The following GSTCD variants were observed in gnomAD, a reference collection of about 807,000 sequenced individuals.
GSTCD encodes the protein glutathione S-transferase C-terminal domain-containing protein.
Under a neutral mutation model 68.3 loss-of-function variants are expected in GSTCD, and 44 were observed. That is an observed-to-expected ratio of 0.64 (90% confidence interval 0.51 to 0.83). The LOEUF (loss-of-function observed/expected upper bound fraction) is 0.83. GSTCD is among the 40% of genes least tolerant of loss of function. The pLI, the probability that GSTCD is intolerant of heterozygous loss-of-function variation, is 0.00. For synonymous variants in GSTCD, 273 were observed against 255.2 expected (o/e 1.07, Z -0.67); for missense variants, 739 against 735.9 (o/e 1.00, Z -0.05).
chr4:105,827,994 G>GA lies in GSTCD; in HGVS notation c.1530+2199dup, dbSNP rs545672042. ...TATTACATAAAGGGTCATGACTATG[G>GA]AAAAATGCTCATTTTGCATTAAAAA... On this transcript the variant is annotated intron_variant, in intron 8 of 11. Transcript: ENST00000515279. Among the ~76,000 whole-genome samples, 29 of 151,974 alleles carry GA rather than the reference G, an allele frequency of 1.9e-4. 1 individual carries two copies. In the South Asian group the frequency reaches 5.6e-3, roughly 29 times the overall value.
intron 5 of GSTCD, among the ~76,000 whole-genome samples, chr4:105,807,750 T>C (rs990275015): frequency 1.3e-5 from 2 of 152,036 alleles, no homozygotes; most frequent in African/African-American, 2.4e-5. Flanking sequence ...GTTTGTGATA[T>C]TAGGTTTGAT....
intron 5 of GSTCD, among the ~76,000 whole-genome samples, chr4:105,793,760 A>T (rs931484980): frequency 2.0e-5 from 3 of 152,010 alleles, no homozygotes; most frequent in Non-Finnish European, 4.4e-5. Context: ...CCAGTAAAAA[A>T]AATTAATGAA....
At chr4:105,732,290 G>A (rs1057213851) in intron 5 of GSTCD, among the ~76,000 whole-genome samples, 7 of 152,152 alleles carry the variant, frequency 4.6e-5, no homozygotes, top group African/African-American at 1.4e-4. Context: ...TTGTACCTCT[G>A]GTAGAATTCG....
intron 5 of GSTCD, among the ~76,000 whole-genome samples, chr4:105,810,534 C>T (rs1722709864): frequency 6.6e-6 from 1 of 151,990 alleles, no homozygotes; most frequent in African/African-American, 2.4e-5. Context: ...AAATTTTAAG[C>T]ATTATCTTCA....
intron 11 of GSTCD, 105 bp from the exon 12 acceptor site, chr4:105,845,336 T>C: frequency 8.4e-7 from 1 of 1,189,438 alleles, no homozygotes; most frequent in Non-Finnish European, 1.2e-6. Context: ...CAAAGCATGC[T>C]CCATAGTACT....
intron 5 of GSTCD, among the ~76,000 whole-genome samples, chr4:105,753,734 G>A (rs1734085900): frequency 6.6e-6 from 1 of 152,022 alleles, no homozygotes; most frequent in Admixed American, 6.5e-5. Flanking sequence ...AGGGATGACT[G>A]TAGTTTATAC....
chr4:105,820,124 T>G (rs529736200), intron 5 of GSTCD, among the ~76,000 whole-genome samples: 25 of 151,720 alleles, frequency 1.6e-4, no homozygotes, highest in Non-Finnish European at 3.7e-4. Flanking sequence ...GTACACATTT[T>G]CCAGTGATTT....
intron 9 of GSTCD, among the ~76,000 whole-genome samples, chr4:105,836,409 C>T (rs966041723): frequency 5.9e-5 from 9 of 152,296 alleles, no homozygotes; most frequent in Non-Finnish European, 1.2e-4. Context: ...CCCCAAGCTT[C>T]GGGCCATTTC....
At chr4:105,806,135 A>G (rs886723748) in intron 5 of GSTCD, among the ~76,000 whole-genome samples, 5 of 152,154 alleles carry the variant, frequency 3.3e-5, no homozygotes, top group Non-Finnish European at 5.9e-5. Flanking sequence ...CTGAAAATCT[A>G]GGTACAAAGA....
At chr4:105,838,160 T>C (rs1441573682) in intron 10 of GSTCD, among the ~76,000 whole-genome samples, 2 of 152,216 alleles carry the variant, frequency 1.3e-5, no homozygotes, top group African/African-American at 4.8e-5. Context: ...ATGAGACCCC[T>C]AAGTCAGAGA....
chr4:105,767,372 T>C (rs535339917), intron 5 of GSTCD, among the ~76,000 whole-genome samples: 8 of 152,264 alleles, frequency 5.3e-5, no homozygotes, highest in Admixed American at 5.2e-4. Context: ...GGAGTAAACT[T>C]AAGGTTAAAC....
intron 3 of GSTCD, among the ~76,000 whole-genome samples, chr4:105,723,475 C>G (rs932072659): frequency 6.6e-6 from 1 of 151,678 alleles, no homozygotes; most frequent in Non-Finnish European, 1.5e-5. Flanking sequence ...ATTATTTGCA[C>G]AGTGTTTATA....
intron 4 of GSTCD, among the ~76,000 whole-genome samples, chr4:105,728,680 TATATAG>T (rs5860812): frequency 0.59 from 86,195 of 146,608 alleles, 29,166 homozygotes; most frequent in East Asian, 0.9. Flanking sequence ...TAGATATAGA[TATATAG>T]ATATAGATAT....
At chr4:105,733,813 A>G (rs1479591326) in intron 5 of GSTCD, among the ~76,000 whole-genome samples, 11 of 152,226 alleles carry the variant, frequency 7.2e-5, no homozygotes, top group African/African-American at 2.7e-4. Flanking sequence ...ATGTTTTTGC[A>G]GTGGCTGGTA....
chr4:105,833,819 T>G (rs890965662), intron 8 of GSTCD, among the ~76,000 whole-genome samples: 6 of 152,238 alleles, frequency 3.9e-5, no homozygotes, highest in African/African-American at 1.4e-4. Context: ...TTATGAGTTA[T>G]TGAAGCCCCA....
At chr4:105,827,133 A>C (rs942281547) in intron 8 of GSTCD, 1 of 152,190 alleles carries the variant, frequency 6.6e-6, no homozygotes, top group African/African-American at 2.4e-5. Context: ...TTAACTTTAC[A>C]TAAATGTTGA....
chr4:105,713,223 C>G (rs185804648), intron 1 of GSTCD, among the ~76,000 whole-genome samples: 6 of 152,148 alleles, frequency 3.9e-5, no homozygotes, highest in Admixed American at 6.5e-5. Context: ...AGCCAGTATT[C>G]GAAGGATGGA....
chr4:105,841,832 C>CG (rs1460424483), intron 10 of GSTCD, among the ~76,000 whole-genome samples: 1 of 152,046 alleles, frequency 6.6e-6, no homozygotes, highest in Admixed American at 6.6e-5. Context: ...GCCTGGGCGA[C>CG]GGCGAGACTG....
At chr4:105,722,374 C>T (rs963163944) in intron 3 of GSTCD, among the ~76,000 whole-genome samples, 2 of 152,002 alleles carry the variant, frequency 1.3e-5, no homozygotes, top group Non-Finnish European at 2.9e-5. Flanking sequence ...TGTGTCTATT[C>T]CTATTCATTA....
Sources: allele counts gnomAD v4.1 joint callset (sites outside exome capture counted in the v4.1 genomes callset), GRCh38; gene constraint gnomAD v4.1.1; transcripts MANE v1.5; gene names NCBI Gene and HGNC (gene_info 2026-07-23, HGNC 2026-07-21).